ZNF865: variants seen among roughly 807,000 people sequenced by gnomAD.
ZNF865 encodes zinc finger protein 865.
For synonymous variants in ZNF865, 763 were observed against 750.8 expected, an observed-to-expected ratio of 1.02 and a Z score of -0.27; for missense variants, 1,311 against 1,593.4, an observed-to-expected ratio of 0.82 and a Z score of 3.02.
intron 1 of ZNF865, chr19:55,612,448 T>G (rs1259086568): frequency 6.6e-6 from 1 of 152,254 alleles, no homozygotes; most frequent in African/African-American, 2.4e-5. Context: ...TTGTCCTGAC[T>G]TCCCCATTTC....
At position 55,615,919 on chromosome 19, in the gene ZNF865, G is replaced by A. The variant is rs2123593900; in HGVS notation, c.2301G>A (p.Val767=). ...VGAAVAALAG[V]SGGEDAGGAA... ...CGGCCGTGGCGGCACTGGCAGGGGT[G>A]TCTGGGGGTGAGGACGCAGGCGGGG... Residue 767 remains valine (V), a synonymous_variant, in exon 2 of 2, where the codon GTG becomes GTA. Coordinates refer to ENST00000568956, the MANE Select transcript of ZNF865 (RefSeq NM_001195605.2). 1 of 1,493,844 alleles carries A rather than the reference G, an allele frequency of 6.7e-7. No individual in the cohort carries two copies. The highest frequency in any genetic ancestry group is 2.6e-5 in the East Asian group (1 of 38,654). The allele number at this position is 1,493,844 out of a possible 1,614,324, so 92.5% of individuals were successfully genotyped here. A position where few individuals can be genotyped will look rare whatever the true frequency, so the allele number is the denominator to read the frequency against.
In ZNF865 at chr19:55,614,117, C is replaced by T. The variant is rs1225581295; in HGVS notation, c.499C>T (p.Pro167Ser). Reference sequence around the variant, plus strand: ...GTTTGGGAACCTGAAGCGAGGAGGGCCCGCGTCCGGGCCGGGGGTGACGCC... The same window carrying T: ...GTTTGGGAACCTGAAGCGAGGAGGGTCCGCGTCCGGGCCGGGGGTGACGCC... The part of the protein sequence containing the change: ...HLFGNLKRGG[P>S]ASGPGVTPGL... Residue 167 changes from proline (P) to serine (S), a missense_variant, in exon 2 of 2, where the codon CCC becomes TCC. Transcript: ENST00000568956. The surrounding 1 kb of genome is among the most constrained non-coding windows in gnomAD (Gnocchi z 8.0). 1 of 1,434,222 alleles carries T rather than the reference C, an allele frequency of 7.0e-7. No homozygotes were observed. The allele number at this position is 1,434,222 out of a possible 1,614,324, so 88.8% of individuals were successfully genotyped here. A position where few individuals can be genotyped will look rare whatever the true frequency, so the allele number is the denominator to read the frequency against.
rs560744526 is a variant in ZNF865 at position 55,614,603 on chromosome 19, G to A, written c.985G>A (p.Gly329Arg). Residue 329 changes from glycine to arginine, a missense_variant, in exon 2 of 2, where the codon GGG becomes AGG. By Grantham distance (125) the Gly-to-Arg change is moderately radical. Coordinates refer to ENST00000568956, the MANE Select transcript of ZNF865 (RefSeq NM_001195605.2). This position sits in a 1 kb window ranked among gnomAD's most constrained non-coding sequence, Gnocchi z 8.0. ...CGTGGCGCCTGCCCCCTCCGCAGAC[G>A]GGAGCGCCGCCCCTGCTGGTGTTGG... is the stretch of plus-strand genomic sequence containing the variant. ...TPVAPAPSAD[G>R]SAAPAGVGVP... 8.9e-5 allele frequency: 135 copies of A among 1,524,016 alleles called. No individual in the cohort carries two copies. The highest frequency in any genetic ancestry group is 1.1e-4 in the Non-Finnish European group (121 of 1,141,254). The allele number at this position is 1,524,016 out of a possible 1,614,324, so 94.4% of individuals were successfully genotyped here.
chr19:55,615,785 C>T lies in ZNF865; in HGVS notation c.2167C>T (p.Pro723Ser), dbSNP rs1568526929. The part of the protein sequence containing the change: ...MWHKLVHQAA[P>S]ERLLPPAPGG... The stretch of plus-strand genomic sequence containing the variant: ...GCACAAGCTGGTCCACCAGGCCGCC[C>T]CCGAGCGCCTGCTCCCGCCCGCACC... The change falls in exon 2 of 2, where the codon CCC becomes TCC. Residue 723 changes from proline to serine, a missense_variant. Physicochemically the swap from Pro to Ser is moderately conservative, Grantham distance 74 (BLOSUM62 -1). Transcript: ENST00000568956. The T allele has an allele frequency of 6.6e-7, 1 of 1,522,012 alleles. No individual in the cohort carries two copies. The highest frequency in any genetic ancestry group is 8.8e-7 in the Non-Finnish European group (1 of 1,140,428). 94.3% of individuals were successfully genotyped at this position (1,522,012 alleles called of 1,614,324 possible). A position where few individuals can be genotyped will look rare whatever the true frequency, so the allele number is the denominator to read the frequency against.
intron 1 of ZNF865, among the ~76,000 whole-genome samples, chr19:55,610,817 G>C (rs1981106152): frequency 6.6e-6 from 1 of 152,202 alleles, no homozygotes; most frequent in Non-Finnish European, 1.5e-5. Flanking sequence ...CTGGATGAGG[G>C]ACTGGAGAGT....
intron 1 of ZNF865, among the ~76,000 whole-genome samples, chr19:55,612,265 C>G (rs574192102): frequency 1.3e-5 from 2 of 152,030 alleles, no homozygotes; most frequent in East Asian, 3.9e-4. Context: ...GATTTGAACC[C>G]AGGTCTGTCC....
chr19:55,608,260 G>T (rs1981011335), intron 1 of ZNF865, among the ~76,000 whole-genome samples: 1 of 151,826 alleles, frequency 6.6e-6, no homozygotes, highest in Non-Finnish European at 1.5e-5. Flanking sequence ...AATAGAGTGG[G>T]CACATGGGAA....
At chr19:55,610,789 A>G (rs145158878) in intron 1 of ZNF865, among the ~76,000 whole-genome samples, 5 of 152,330 alleles carry the variant, frequency 3.3e-5, no homozygotes, top group East Asian at 1.9e-4. Context: ...GGCAATAACT[A>G]TAATGAAACA....
At position 55,611,832 on chromosome 19, in the gene ZNF865, T is replaced by G. The variant is rs1017422642; in HGVS notation, c.-26-1761T>G. On this transcript the variant is annotated intron_variant, in intron 1 of 1. Transcript: ENST00000568956. The surrounding 1 kb of genome is among the most constrained non-coding windows in gnomAD (Gnocchi z 4.5). ...TCACCCTCCGCCCACTTGGTGGAGG[T>G]GCTTCCCCAGGCCAGCAAGTAGACC... is the stretch of plus-strand genomic sequence containing the variant. Among the ~76,000 whole-genome samples the G allele has an allele frequency of 6.6e-5, 10 of 151,676 alleles. No homozygotes were observed. The highest frequency in any genetic ancestry group is 2.4e-4 in the African/African-American group (10 of 41,072).
chr19:55,613,811 C>G lies in ZNF865; in HGVS notation c.193C>G (p.Pro65Ala), dbSNP rs1465112382. Residue 65 changes from proline (P) to alanine (A), a missense_variant, in exon 2 of 2, where the codon CCG becomes GCG. Coordinates refer to ENST00000568956, the MANE Select transcript of ZNF865 (RefSeq NM_001195605.2). ...VAALPCAPGP[P>A]PQPPPQPPPP... ...GGCCCTGCCCTGCGCCCCCGGCCCC[C>G]CGCCGCAGCCCCCGCCGCAGCCCCC... The G allele has an allele frequency of 6.7e-7, 1 of 1,498,186 alleles. No homozygotes were observed. Among genetic ancestry groups the G allele is most frequent in the Non-Finnish European group, 8.9e-7 (1 of 1,128,034 alleles). The allele number at this position is 1,498,186 out of a possible 1,614,324, so 92.8% of individuals were successfully genotyped here. A position where few individuals can be genotyped will look rare whatever the true frequency, so the allele number is the denominator to read the frequency against.
At chr19:55,606,595 C>T (rs1415287522) in intron 1 of ZNF865, among the ~76,000 whole-genome samples, 1 of 152,208 alleles carries the variant, frequency 6.6e-6, no homozygotes, top group Admixed American at 6.5e-5. Flanking sequence ...CTTCCTATGG[C>T]GTGAACAACT....
chr19:55,617,014 C>T lies in ZNF865; in HGVS notation c.*216C>T, dbSNP rs1242781273. 2.2e-6 allele frequency: 1 copy of T among 462,662 alleles called. No individual in the cohort carries two copies. Among genetic ancestry groups the T allele is most frequent in the Non-Finnish European group, 3.7e-6 (1 of 270,724 alleles). 28.7% of individuals were successfully genotyped at this position (462,662 alleles called of 1,614,324 possible). On this transcript the variant is annotated 3_prime_UTR_variant, in exon 2 of 2. Coordinates refer to ENST00000568956, the MANE Select transcript of ZNF865 (RefSeq NM_001195605.2). ...CCCTCATCCCATCAGACACTGAACC[C>T]TATCCTCCGTCCAACCCTCGTTTGT...
Position 55,614,867 on chromosome 19 carries a change from C to T in ZNF865, c.1249C>T (p.Arg417Cys). The change falls in exon 2 of 2, where the codon CGC becomes TGC. Residue 417 changes from arginine (R) to cysteine (C), a missense_variant. Transcript: ENST00000568956. This position sits in a 1 kb window ranked among gnomAD's most constrained non-coding sequence, Gnocchi z 8.0. ...CTGCGGCATCTGCGGGAAGGCCTTC[C>T]GCGACGCCTCCTACCTCCTCAAGCA... ...LPCGICGKAF[R>C]DASYLLKHQA... 6.6e-7 allele frequency: 1 copy of T among 1,516,298 alleles called. No homozygotes were observed. The highest frequency in any genetic ancestry group is 2.0e-5 in the Admixed American group (1 of 49,012). The allele number at this position is 1,516,298 out of a possible 1,614,324, so 93.9% of individuals were successfully genotyped here.
At chr19:55,606,314 G>A (rs927851427) in intron 1 of ZNF865, among the ~76,000 whole-genome samples, 1 of 152,000 alleles carries the variant, frequency 6.6e-6, no homozygotes, top group Non-Finnish European at 1.5e-5. Flanking sequence ...CCCTTCTGCA[G>A]GTCCTCCAGT....
Position 55,615,028 on chromosome 19 carries a change from G to A in ZNF865, c.1410G>A (p.Ala470=). Reference sequence around the variant, plus strand: ...CCCACGCCCCGCCCGCTGCCGCTGCGGAGGCGCCCAAGGACGGGGCGGCCT... The same window carrying A: ...CCCACGCCCCGCCCGCTGCCGCTGCAGAGGCGCCCAAGGACGGGGCGGCCT... ...KAAHAPPAAA[A]EAPKDGAASA... is the part of the protein sequence containing the mutation. Residue 470 remains alanine (A), a synonymous_variant, in exon 2 of 2, where the codon GCG becomes GCA. Transcript: ENST00000568956. 1.5e-6 allele frequency: 2 copies of A among 1,316,572 alleles called. No individual in the cohort carries two copies. The highest frequency in any genetic ancestry group is 4.3e-5 in the Admixed American group (1 of 23,460). The allele number at this position is 1,316,572 out of a possible 1,614,324, so 81.6% of individuals were successfully genotyped here. A position where few individuals can be genotyped will look rare whatever the true frequency, so the allele number is the denominator to read the frequency against.
At position 55,616,197 on chromosome 19, in the gene ZNF865, C is replaced by A; in HGVS notation, c.2579C>A (p.Ala860Glu). Residue 860 changes from alanine (A) to glutamate (E), a missense_variant, in exon 2 of 2, where the codon GCG becomes GAG. Coordinates refer to ENST00000568956, the MANE Select transcript of ZNF865 (RefSeq NM_001195605.2). ...CPVCGKRFWE[A>E]ALLMRHQRCH... is the part of the protein sequence containing the mutation. ...GTGTGCGGGAAGCGCTTCTGGGAGG[C>A]GGCCCTGCTGATGCGCCACCAGCGC... 2.6e-6 allele frequency: 4 copies of A among 1,521,998 alleles called. No homozygotes were observed. The South Asian group carries it at 4.8e-5, about 18-fold the overall frequency. 94.3% of individuals were successfully genotyped at this position (1,521,998 alleles called of 1,614,324 possible).
Position 55,614,921 on chromosome 19 carries a change from G to T in ZNF865, c.1303G>T (p.Gly435Trp). The change falls in exon 2 of 2, where the codon GGG becomes TGG. Residue 435 changes from glycine to tryptophan, a missense_variant. Physicochemically the swap from Gly to Trp is radical, Grantham distance 184. Coordinates refer to ENST00000568956, the MANE Select transcript of ZNF865 (RefSeq NM_001195605.2). This position sits in a 1 kb window ranked among gnomAD's most constrained non-coding sequence, Gnocchi z 8.0. Reference sequence around the variant, plus strand: ...GGCGGCCCACGCGGGGGCGGGCGCCGGGGGGCCTCGGCCCGTGTACCCCTG... The same window carrying T: ...GGCGGCCCACGCGGGGGCGGGCGCCTGGGGGCCTCGGCCCGTGTACCCCTG... ...HQAAHAGAGAGGPRPVYPCDL... is the reference protein window; with the variant it reads ...HQAAHAGAGAWGPRPVYPCDL... 3 of 1,483,338 alleles carry T rather than the reference G, an allele frequency of 2.0e-6. No homozygotes were observed. Among genetic ancestry groups the T allele is most frequent in the Non-Finnish European group, 1.8e-6 (2 of 1,122,390 alleles). 91.9% of individuals were successfully genotyped at this position (1,483,338 alleles called of 1,614,324 possible).
At chr19:55,607,696 G>A (rs1205616884) in intron 1 of ZNF865, among the ~76,000 whole-genome samples, 1 of 152,152 alleles carries the variant, frequency 6.6e-6, no homozygotes, top group Non-Finnish European at 1.5e-5. Context: ...CCTCCCAAAA[G>A]CCACACACCA....
rs1301175738 is a variant in ZNF865 at position 55,614,209 on chromosome 19, C to T, written c.591C>T (p.Pro197=). ...CCCCCTCGCAGACCCCGCCAGGACC[C>T]CCCGCGGCGGCGGCCTGCGACCCCA... is the stretch of plus-strand genomic sequence containing the variant. ...LPAPSQTPPG[P]PAAAACDPTK... Residue 197 remains proline (P), a synonymous_variant, in exon 2 of 2, where the codon CCC becomes CCT. Transcript: ENST00000568956. This position sits in a 1 kb window ranked among gnomAD's most constrained non-coding sequence, Gnocchi z 8.0. 1 of 1,506,812 alleles carries T rather than the reference C, an allele frequency of 6.6e-7. No individual in the cohort carries two copies. The highest frequency in any genetic ancestry group is 1.7e-4 in the Middle Eastern group (1 of 5,898). 93.3% of individuals were successfully genotyped at this position (1,506,812 alleles called of 1,614,324 possible). A position where few individuals can be genotyped will look rare whatever the true frequency, so the allele number is the denominator to read the frequency against.
Sources: gnomAD v4.1 joint callset for allele counts (sites outside exome capture counted in the v4.1 genomes callset) on GRCh38, gnomAD v4.1.1 for gene constraint, Gnocchi (gnomAD v3.1) non-coding constraint, MANE v1.5 for transcripts, NCBI Gene and HGNC (gene_info 2026-07-23, HGNC 2026-07-21) for gene names.